The following RASAL2 variants were observed in gnomAD, a reference collection of about 807,000 sequenced individuals.
RASAL2 encodes ras GTPase-activating protein nGAP.
In RASAL2, 58 loss-of-function variants were observed where a neutral mutation model predicts 128.9. The ratio of observed to expected loss-of-function variants is 0.45; its 90% CI spans 0.36 to 0.56. The LOEUF (loss-of-function observed/expected upper bound fraction) is 0.56, where lower values mean the gene tolerates loss of function less well. Ranked by LOEUF, RASAL2 falls within the 20% of genes least tolerant of loss-of-function variation. The pLI is 0.00. For synonymous variants in RASAL2, 561 were observed against 580.8 expected, an observed-to-expected ratio of 0.97 and a Z score of 0.49; for missense variants, 1,360 against 1,601.6, an observed-to-expected ratio of 0.85 and a Z score of 2.57.
At chr1:178,372,276 G>T (rs1250272377) in intron 3 of RASAL2, 1 of 985,262 alleles carries the variant, frequency 1.0e-6, no homozygotes, top group Non-Finnish European at 1.2e-6. Flanking sequence ...TGGCGGAGTG[G>T]TTGGATAGTA....
intron 3 of RASAL2, among the ~76,000 whole-genome samples, chr1:178,309,124 A>G (rs1263728792): frequency 6.6e-6 from 1 of 152,144 alleles, no homozygotes; most frequent in Non-Finnish European, 1.5e-5. Flanking sequence ...CAGACCTTGA[A>G]CTTTATGGTG....
chr1:178,163,514 T>C (rs1661406955), intron 1 of RASAL2, among the ~76,000 whole-genome samples: 1 of 152,216 alleles, frequency 6.6e-6, no homozygotes, highest in Admixed American at 6.5e-5. Flanking sequence ...TTTATACTTC[T>C]GCATGTGGAT....
At chr1:178,201,876 C>T (rs987595161) in intron 1 of RASAL2, among the ~76,000 whole-genome samples, 1 of 152,190 alleles carries the variant, frequency 6.6e-6, no homozygotes, top group Non-Finnish European at 1.5e-5. Context: ...AATTTCCAGA[C>T]TTGAGCTAGT....
chr1:178,247,435 AT>A (rs1179730734), intron 1 of RASAL2, among the ~76,000 whole-genome samples: 1 of 151,186 alleles, frequency 6.6e-6, no homozygotes, highest in Admixed American at 6.6e-5. Flanking sequence ...CCCCTTTATG[AT>A]TTTTTATTTT....
intron 16 of RASAL2, among the ~76,000 whole-genome samples, chr1:178,466,906 T>A (rs534458101): frequency 3.0e-4 from 46 of 152,264 alleles, no homozygotes; most frequent in Admixed American, 8.5e-4. Flanking sequence ...AGTTAAGATG[T>A]GAATGGCGGA....
In RASAL2 at chr1:178,252,813, C is replaced by G. The variant is rs150449164; in HGVS notation, c.203-30751C>G. ...CTTTAACACCTTGCTTTCCCTGTCACTAAATCCAGTTCGTCAGCAATTCTT... is the reference window on the plus strand; with the variant it reads ...CTTTAACACCTTGCTTTCCCTGTCAGTAAATCCAGTTCGTCAGCAATTCTT... On this transcript the variant is annotated intron_variant, in intron 1 of 17. Transcript: ENST00000367649. Among the ~76,000 whole-genome samples the G allele has an allele frequency of 7.1e-3, 1,085 of 152,294 alleles. 18 individuals are homozygous for G. The highest frequency in any genetic ancestry group is 7.7e-3 in the Non-Finnish European group (523 of 68,020).
intron 3 of RASAL2, among the ~76,000 whole-genome samples, chr1:178,371,544 A>G (rs1448060383): frequency 1.3e-5 from 2 of 152,014 alleles, no homozygotes; most frequent in African/African-American, 2.4e-5. Context: ...TGCAGTCGCC[A>G]TGCGAGGTGG....
At chr1:178,256,031 G>A (rs1665326467) in intron 1 of RASAL2, among the ~76,000 whole-genome samples, 1 of 152,082 alleles carries the variant, frequency 6.6e-6, no homozygotes, top group Admixed American at 6.6e-5. Flanking sequence ...AGGCTGAAGT[G>A]GCTATACTAA....
chr1:178,323,114 TTTTG>T (rs57822397), intron 3 of RASAL2, among the ~76,000 whole-genome samples: 6,853 of 152,250 alleles, frequency 0.045, 488 homozygotes, highest in African/African-American at 0.15. Flanking sequence ...TCATTAGCAT[TTTTG>T]TTTGTGATAA....
chr1:178,392,773 G>A (rs892629870), intron 4 of RASAL2, among the ~76,000 whole-genome samples: 5 of 152,106 alleles, frequency 3.3e-5, no homozygotes, highest in African/African-American at 1.2e-4. Flanking sequence ...TTAGCCTTAA[G>A]GAGATCAAGG....
At chr1:178,351,870 G>GA (rs35217356) in intron 3 of RASAL2, among the ~76,000 whole-genome samples, 2 of 152,056 alleles carry the variant, frequency 1.3e-5, no homozygotes, top group East Asian at 3.8e-4. Flanking sequence ...TTCCCATTTA[G>GA]AAAACAAAAA....
At chr1:178,157,468 G>A (rs1269543549) in intron 1 of RASAL2, among the ~76,000 whole-genome samples, 1 of 152,156 alleles carries the variant, frequency 6.6e-6, no homozygotes, top group Non-Finnish European at 1.5e-5. Context: ...GTGGAGTGGG[G>A]AATTGGTCAG....
chr1:178,323,570 G>A (rs910804742), intron 3 of RASAL2, among the ~76,000 whole-genome samples: 1 of 152,196 alleles, frequency 6.6e-6, no homozygotes, highest in East Asian at 1.9e-4. Flanking sequence ...CATTGTCCAA[G>A]TTAACAAGTC....
chr1:178,291,179 A>G (rs1441368046), intron 2 of RASAL2, among the ~76,000 whole-genome samples: 1 of 152,232 alleles, frequency 6.6e-6, no homozygotes. Context: ...TACAAAGTCA[A>G]GAAACATATG....
At chr1:178,159,137 G>T (rs931805126) in intron 1 of RASAL2, among the ~76,000 whole-genome samples, 11 of 152,204 alleles carry the variant, frequency 7.2e-5, no homozygotes, top group African/African-American at 2.7e-4. Flanking sequence ...TCTTAAAAGT[G>T]AATGTGTAAG....
intron 1 of RASAL2, among the ~76,000 whole-genome samples, chr1:178,193,751 A>C (rs1215036282): frequency 6.8e-6 from 1 of 147,514 alleles, no homozygotes; most frequent in Non-Finnish European, 1.5e-5. Context: ...CTTAAACATA[A>C]TTTACCACGA....
intron 4 of RASAL2, 76 bp downstream of exon 4, chr1:178,390,282 T>C: frequency 9.8e-7 from 1 of 1,017,936 alleles, no homozygotes; most frequent in Non-Finnish European, 1.5e-6. Flanking sequence ...GGGCAGCTAC[T>C]AAGGAATCCA....
intron 3 of RASAL2, among the ~76,000 whole-genome samples, chr1:178,344,785 A>G (rs1044886478): frequency 6.6e-6 from 1 of 152,226 alleles, no homozygotes; most frequent in African/African-American, 2.4e-5. Context: ...TATATGCAGA[A>G]TCAGAAGCAA....
At chr1:178,327,534 T>C (rs546299578) in intron 3 of RASAL2, among the ~76,000 whole-genome samples, 1 of 152,050 alleles carries the variant, frequency 6.6e-6, no homozygotes, top group Non-Finnish European at 1.5e-5. Context: ...GTTTTTTTAA[T>C]AGAGACAGTA....
Sources: gnomAD v4.1 joint callset for allele counts (sites outside exome capture counted in the v4.1 genomes callset) on GRCh38, gnomAD v4.1.1 for gene constraint, MANE v1.5 for transcripts, NCBI Gene and HGNC (gene_info 2026-07-23, HGNC 2026-07-21) for gene names.